KALRN: variants seen among roughly 807,000 people sequenced by gnomAD.
KALRN encodes the protein kalirin RhoGEF kinase.
In KALRN, 70 loss-of-function variants were observed where a neutral mutation model predicts 353.7. The ratio of observed to expected loss-of-function variants is 0.20; its 90% CI spans 0.16 to 0.24. The LOEUF is 0.24. Ranked by LOEUF, KALRN falls within the 10% of genes least tolerant of loss-of-function variation. KALRN has a pLI of 1.00. For missense variants in KALRN, 2,791 were observed against 3,756.7 expected (o/e 0.74, Z 6.72); for synonymous variants, 1,391 against 1,434.8 (o/e 0.97, Z 0.69).
At chr3:124,705,198 C>T (rs1034507437) in intron 57 of KALRN, among the ~76,000 whole-genome samples, 1 of 152,176 alleles carries the variant, frequency 6.6e-6, no homozygotes, top group African/African-American at 2.4e-5. Context: ...AGTACCAGGC[C>T]TCCAGGTCAG....
chr3:124,082,550 G>T (rs2060599199), intron 1 of KALRN, among the ~76,000 whole-genome samples: 1 of 152,186 alleles, frequency 6.6e-6, no homozygotes, highest in African/African-American at 2.4e-5. Context: ...ATGCAGAAGG[G>T]AAGTGATACC....
chr3:124,664,122 A>AT (rs35993721), intron 45 of KALRN, among the ~76,000 whole-genome samples: 18,997 of 151,984 alleles, frequency 0.12, 1,297 homozygotes, highest in African/African-American at 0.17. Context: ...AGTTTTATAC[A>AT]TTTTCCCTTG....
intron 1 of KALRN, among the ~76,000 whole-genome samples, chr3:124,068,923 C>T (rs1379117367): frequency 6.6e-6 from 1 of 152,148 alleles, no homozygotes; most frequent in Non-Finnish European, 1.5e-5. Context: ...AAAAGAGCCT[C>T]CAGGCCCTGG....
intron 5 of KALRN, among the ~76,000 whole-genome samples, chr3:124,293,583 G>GA (rs933680621): frequency 8.8e-5 from 13 of 147,926 alleles, no homozygotes; most frequent in East Asian, 4.0e-4. Context: ...TTAGCCAGCA[G>GA]AAAAAAAAAT....
Position 124,678,246 on chromosome 3 carries a change from C to A in KALRN, c.7250C>A (p.Thr2417Lys), listed in dbSNP as rs375472024. The change falls in exon 50 of 60, where the codon ACG (threonine) becomes AAG (lysine). Residue 2417 changes from threonine (T) to lysine (K), a missense_variant. Thr to Lys is a moderately conservative substitution (Grantham distance 78). Coordinates refer to ENST00000682506, the MANE Select transcript of KALRN (RefSeq NM_001388419.1). ...RMRKRAEVEN[T>K]GKNEATGPRK... ...AGAAAGCGGGCGGAAGTGGAGAACA[C>A]GGGTAAAAATGAAGCCACAGGGCCT... 1 of 1,613,806 alleles carries A rather than the reference C, an allele frequency of 6.2e-7. No homozygotes were observed. Among genetic ancestry groups the A allele is most frequent in the African/African-American group, 1.3e-5 (1 of 74,904 alleles).
chr3:124,385,791 C>G (rs183293057), intron 11 of KALRN, among the ~76,000 whole-genome samples: 2 of 152,272 alleles, frequency 1.3e-5, no homozygotes, highest in African/African-American at 4.8e-5. Context: ...TTCTGATTAA[C>G]ATGGGACATG....
intron 3 of KALRN, among the ~76,000 whole-genome samples, chr3:124,246,931 T>A (rs999635007): frequency 3.3e-5 from 5 of 152,188 alleles, no homozygotes; most frequent in Non-Finnish European, 7.3e-5. Context: ...GGGAAAAGGA[T>A]GTGTTTTTCA....
intron 6 of KALRN, among the ~76,000 whole-genome samples, chr3:124,323,193 G>A (rs544781017): frequency 1.1e-4 from 16 of 152,174 alleles, no homozygotes; most frequent in Non-Finnish European, 1.9e-4. Context: ...AGGCTTAGAG[G>A]TTGAAGGGGA....
At chr3:124,661,821 C>T (rs561349448) in intron 44 of KALRN, 30 bp from the exon 45 acceptor site, 1 of 1,572,670 alleles carries the variant, frequency 6.4e-7, no homozygotes, top group Non-Finnish European at 8.8e-7. Flanking sequence ...GCTGTTCCCC[C>T]TCCTGAGTAA....
At chr3:124,035,608 A>G (rs941841672) in intron 1 of KALRN, among the ~76,000 whole-genome samples, 5 of 152,210 alleles carry the variant, frequency 3.3e-5, no homozygotes, top group Non-Finnish European at 5.9e-5. Context: ...AGGCACCCGT[A>G]GCAGAGCTCA....
At chr3:124,452,885 C>T (rs1215192748) in intron 21 of KALRN, among the ~76,000 whole-genome samples, 2 of 152,178 alleles carry the variant, frequency 1.3e-5, no homozygotes, top group African/African-American at 4.8e-5. Context: ...GCTGCTGCCA[C>T]CAGCTGGCTG....
chr3:124,157,459 C>A (rs1233115233), intron 1 of KALRN, among the ~76,000 whole-genome samples: 1 of 152,128 alleles, frequency 6.6e-6, no homozygotes, highest in African/African-American at 2.4e-5. Context: ...CATAGAAATA[C>A]CCGAAATGTC....
intron 1 of KALRN, among the ~76,000 whole-genome samples, chr3:124,130,173 G>A (rs942556508): frequency 7.9e-5 from 12 of 152,256 alleles, no homozygotes; most frequent in Admixed American, 4.6e-4. Context: ...TGATTGGGCC[G>A]TCTTTAATAT....
chr3:124,316,119 C>A (rs2149338438), intron 6 of KALRN, among the ~76,000 whole-genome samples: 1 of 152,292 alleles, frequency 6.6e-6, no homozygotes, highest in Non-Finnish European at 1.5e-5. Context: ...TGAGGAAAAG[C>A]TAAAGGACTG....
intron 3 of KALRN, among the ~76,000 whole-genome samples, chr3:124,241,560 T>G (rs2080447051): frequency 6.6e-6 from 1 of 152,228 alleles, no homozygotes; most frequent in Non-Finnish European, 1.5e-5. Context: ...AAACAAAAAG[T>G]AAAATTCTTT....
chr3:124,402,308 AG>A (rs1042685639), intron 13 of KALRN, among the ~76,000 whole-genome samples: 4 of 152,256 alleles, frequency 2.6e-5, no homozygotes, highest in African/African-American at 9.6e-5. Context: ...GTTCAAAACC[AG>A]GCCCATAGCT....
At chr3:124,664,630 C>T (rs560433564) in intron 45 of KALRN, among the ~76,000 whole-genome samples, 3 of 152,234 alleles carry the variant, frequency 2.0e-5, no homozygotes, top group Non-Finnish European at 4.4e-5. Context: ...AGGCTGGTCT[C>T]GATCTCCTGA....
chr3:124,196,059 C>A (rs753957023), intron 1 of KALRN, among the ~76,000 whole-genome samples: 1 of 152,106 alleles, frequency 6.6e-6, no homozygotes, highest in Non-Finnish European at 1.5e-5. Context: ...TTTTCCGTGA[C>A]CCCACTTGTC....
intron 1 of KALRN, among the ~76,000 whole-genome samples, chr3:124,035,745 G>A (rs1040304679): frequency 1.3e-5 from 2 of 152,212 alleles, no homozygotes; most frequent in African/African-American, 4.8e-5. Flanking sequence ...TCTAACCCTG[G>A]CTCAAATCAC....
Sources: allele counts gnomAD v4.1 joint callset (sites outside exome capture counted in the v4.1 genomes callset), GRCh38; gene constraint gnomAD v4.1.1; transcripts MANE v1.5; gene names NCBI Gene and HGNC (gene_info 2026-07-23, HGNC 2026-07-21).